PPP1R12B: variants seen among roughly 807,000 people sequenced by gnomAD.
The protein encoded by PPP1R12B is myosin phosphatase target subunit 2.
PPP1R12B carries 76 observed loss-of-function variants against 126.1 expected under a neutral mutation model. That is an observed-to-expected ratio of 0.60 (90% CI 0.50 to 0.73). PPP1R12B has a LOEUF of 0.73. Among genes scored for constraint, PPP1R12B ranks in the 30% least tolerant of loss-of-function variants. The probability of loss-of-function intolerance (pLI) is 0.00; values close to 1 mark genes in which losing one functional copy is unlikely to be tolerated. For missense variants in PPP1R12B, 1,052 were observed against 1,205.1 expected (o/e 0.87, Z 1.88); for synonymous variants, 356 against 434.7 (o/e 0.82, Z 2.25).
At chr1:202,501,076 A>C (rs550020935) in intron 18 of PPP1R12B, among the ~76,000 whole-genome samples, 1 of 152,360 alleles carries the variant, frequency 6.6e-6, no homozygotes, top group South Asian at 2.1e-4. Flanking sequence ...AGATGTGTTT[A>C]AAAACAATTC....
rs1572025783 is a variant in PPP1R12B at position 202,438,980 on chromosome 1, C to T, written c.1458+956C>T. The T allele has an allele frequency of 1.6e-5, 24 of 1,513,866 alleles. 1 individual carries two copies. The highest frequency in any genetic ancestry group is 1.5e-4 in the Admixed American group (9 of 58,754). The allele number at this position is 1,513,866 out of a possible 1,614,324, so 93.8% of individuals were successfully genotyped here. A position where few individuals can be genotyped will look rare whatever the true frequency, so the allele number is the denominator to read the frequency against. ...CCTGGAGATGCTCACAGGGCAGGAG[C>T]GCATGGCCCTGGCCAACCGGAAGCA... On this transcript the variant is annotated intron_variant, in intron 10 of 23. Coordinates refer to ENST00000608999, the MANE Select transcript of PPP1R12B (RefSeq NM_002481.4).
chr1:202,537,951 A>G (rs1336038114), intron 18 of PPP1R12B, among the ~76,000 whole-genome samples: 1 of 152,214 alleles, frequency 6.6e-6, no homozygotes, highest in Non-Finnish European at 1.5e-5. Flanking sequence ...ACATCATATA[A>G]GATCTGAATT....
chr1:202,507,663 A>G (rs948401185), intron 18 of PPP1R12B, among the ~76,000 whole-genome samples: 1 of 152,194 alleles, frequency 6.6e-6, no homozygotes, highest in African/African-American at 2.4e-5. Context: ...CATTCCTGGG[A>G]CACCATCATT....
chr1:202,426,706 G>A (rs1214007770), intron 4 of PPP1R12B, among the ~76,000 whole-genome samples: 1 of 152,160 alleles, frequency 6.6e-6, no homozygotes, highest in African/African-American at 2.4e-5. Context: ...AATGGAAAAT[G>A]TACCTTTAAC....
rs1689546849 is a variant in PPP1R12B at position 202,581,511 on chromosome 1, GCTCTGAATA to G, written c.*955_*963del. 1 of 152,172 alleles carries G rather than the reference GCTCTGAATA, an allele frequency of 6.6e-6. No homozygotes were observed. The highest frequency in any genetic ancestry group is 1.5e-5 in the Non-Finnish European group (1 of 68,054). 9.4% of individuals were successfully genotyped at this position (152,172 alleles called of 1,614,324 possible). On this transcript the variant is annotated 3_prime_UTR_variant, in exon 24 of 24. Coordinates refer to ENST00000608999, the MANE Select transcript of PPP1R12B (RefSeq NM_002481.4). ...TGATTTTCTTTATAAGAAAATTTGG[GCTCTGAATA>G]CTCCATTCTGCCTCACTTCCTTGAC...
At chr1:202,512,241 T>A (rs1681609994) in intron 18 of PPP1R12B, among the ~76,000 whole-genome samples, 1 of 152,242 alleles carries the variant, frequency 6.6e-6, no homozygotes, top group Admixed American at 6.5e-5. Flanking sequence ...CCGATCTGAC[T>A]TATTGTGATA....
chr1:202,473,946 G>A (rs553762768), intron 13 of PPP1R12B: 11 of 532,804 alleles, frequency 2.1e-5, no homozygotes, highest in African/African-American at 3.8e-5. Flanking sequence ...AGGCCTGCTC[G>A]AGGAGGTAAC....
chr1:202,551,872 C>CT (rs1237250284), intron 18 of PPP1R12B, among the ~76,000 whole-genome samples: 21 of 152,176 alleles, frequency 1.4e-4, no homozygotes, highest in Admixed American at 1.4e-3. Flanking sequence ...AGCCACTACC[C>CT]TGCAAGGCAG....
At chr1:202,574,106 C>G (rs1280870674) in intron 23 of PPP1R12B, among the ~76,000 whole-genome samples, 1 of 150,074 alleles carries the variant, frequency 6.7e-6, no homozygotes, top group African/African-American at 2.5e-5. Flanking sequence ...ATCCAGAGAG[C>G]TGACAGTTCT....
At position 202,465,723 on chromosome 1, in the gene PPP1R12B, C is replaced by G. The variant is rs185434869; in HGVS notation, c.1850+16552C>G. 7.8e-4 allele frequency among the ~76,000 whole-genome samples: 119 copies of G among 152,298 alleles called. 1 individual carries two copies. The highest frequency in any genetic ancestry group is 2.7e-3 in the African/African-American group (114 of 41,572). On this transcript the variant is annotated intron_variant, in intron 13 of 23. Transcript: ENST00000608999. ...AACAGTGATTTTTCTTCCTCTTCCT[C>G]AGAGTCTCTTAAATAATACTGGATA...
At chr1:202,480,851 G>A (rs1220668950) in intron 13 of PPP1R12B, among the ~76,000 whole-genome samples, 4 of 152,160 alleles carry the variant, frequency 2.6e-5, no homozygotes, top group Non-Finnish European at 4.4e-5. Flanking sequence ...GTACAAGATA[G>A]ACCAAAGGAT....
At chr1:202,459,995 G>A (rs1238927647) in intron 13 of PPP1R12B, among the ~76,000 whole-genome samples, 1 of 152,214 alleles carries the variant, frequency 6.6e-6, no homozygotes, top group Non-Finnish European at 1.5e-5. Flanking sequence ...CCAGGCAGCA[G>A]CTGTCACAAT....
intron 1 of PPP1R12B, among the ~76,000 whole-genome samples, chr1:202,407,200 G>A (rs1666730305): frequency 1.3e-5 from 2 of 152,160 alleles, no homozygotes; most frequent in Admixed American, 1.3e-4. Flanking sequence ...TAAAAGCATG[G>A]GGAATAGAGA....
At chr1:202,435,391 C>A (rs2148672496) in intron 9 of PPP1R12B, among the ~76,000 whole-genome samples, 1 of 152,340 alleles carries the variant, frequency 6.6e-6, no homozygotes, top group Admixed American at 6.5e-5. Flanking sequence ...AAGATGCCTA[C>A]ATGTAAAGTG....
At chr1:202,457,483 G>A (rs1273447041) in intron 13 of PPP1R12B, among the ~76,000 whole-genome samples, 1 of 151,686 alleles carries the variant, frequency 6.6e-6, no homozygotes, top group Non-Finnish European at 1.5e-5. Flanking sequence ...AACCTGGGAC[G>A]CAGAGGTTGC....
chr1:202,448,771 G>A (rs1572074323), intron 12 of PPP1R12B, among the ~76,000 whole-genome samples: 1 of 152,212 alleles, frequency 6.6e-6, no homozygotes, highest in East Asian at 1.9e-4. Flanking sequence ...ACACATACAA[G>A]TCTCATAAAA....
At chr1:202,384,132 C>T (rs1662766247) in intron 1 of PPP1R12B, among the ~76,000 whole-genome samples, 1 of 152,224 alleles carries the variant, frequency 6.6e-6, no homozygotes, top group East Asian at 1.9e-4. Flanking sequence ...CTTTGGTACA[C>T]AGTCTAGCAG....
Position 202,416,930 on chromosome 1 carries a change from C to T in PPP1R12B, c.422+13C>T, listed in dbSNP as rs1178789088. On this transcript the variant is annotated intron_variant, in intron 2 of 23. Coordinates refer to ENST00000608999, the MANE Select transcript of PPP1R12B (RefSeq NM_002481.4). Reference sequence around the variant, plus strand: ...TCAACATAGCAGAGTGAGTGAGTCTCTGTGTGTGTGGCTTTGTAGTATTTG... The same window carrying T: ...TCAACATAGCAGAGTGAGTGAGTCTTTGTGTGTGTGGCTTTGTAGTATTTG... The T allele has an allele frequency of 1.9e-6, 3 of 1,611,062 alleles. No homozygotes were observed. Among genetic ancestry groups the T allele is most frequent in the African/African-American group, 1.3e-5 (1 of 74,936 alleles).
At chr1:202,446,247 TATATATA>T (rs1558238183) in intron 12 of PPP1R12B, among the ~76,000 whole-genome samples, 1 of 66,128 alleles carries the variant, frequency 1.5e-5, no homozygotes, top group African/African-American at 7.5e-5. Flanking sequence ...TATATATATA[TATATATA>T]TATTTTTTTT....
Sources: gnomAD v4.1 joint callset for allele counts (sites outside exome capture counted in the v4.1 genomes callset) on GRCh38, gnomAD v4.1.1 for gene constraint, MANE v1.5 for transcripts, NCBI Gene and HGNC (gene_info 2026-07-23, HGNC 2026-07-21) for gene names.